The following ABCC2 variants were observed in gnomAD, a reference collection of about 807,000 sequenced individuals.
The protein encoded by ABCC2 is ATP-binding cassette sub-family C member 2.
A neutral mutation model predicts 173.4 loss-of-function variants in ABCC2; 157 were observed. The ratio of observed to expected loss-of-function variants is 0.91; its 90% CI spans 0.80 to 1.03. The LOEUF (loss-of-function observed/expected upper bound fraction) is 1.03. ABCC2 is among the 50% of genes least tolerant of loss of function. ABCC2 has a pLI of 0.00. For synonymous variants in ABCC2, 657 were observed against 693.5 expected (o/e 0.95, Z 0.83); for missense variants, 1,822 against 1,852.3 (o/e 0.98, Z 0.30).
rs17216156 is a variant in ABCC2 at position 99,782,822 on chromosome 10, G to A, written c.-23G>A. On this transcript the variant is annotated 5_prime_UTR_variant, in exon 1 of 32. Coordinates refer to ENST00000647814, the MANE Select transcript of ABCC2 (RefSeq NM_000392.5). ...CAATCATATTAATAGAAGAGTCTTC[G>A]TTCCAGACGCAGTCCAGGAATCATG... The A allele has an allele frequency of 3.6e-4, 578 of 1,613,500 alleles. 2 individuals are homozygous for A. In the East Asian group the frequency reaches 8.2e-3, roughly 23 times the overall value.
intron 9 of ABCC2, among the ~76,000 whole-genome samples, chr10:99,802,607 G>C (rs139039891): frequency 3.3e-5 from 5 of 151,656 alleles, no homozygotes; most frequent in East Asian, 1.9e-4. Flanking sequence ...TCTTTTTACT[G>C]TACAGCCAAG....
At chr10:99,836,010 C>A in intron 24 of ABCC2, 81 bp from the exon 25 acceptor site, 2 of 1,401,996 alleles carry the variant, frequency 1.4e-6, no homozygotes, top group Non-Finnish European at 1.0e-6. Flanking sequence ...GGGAAGAATG[C>A]TGGGTTGTGG....
At chr10:99,801,533 G>A (rs1424895364) in intron 9 of ABCC2, among the ~76,000 whole-genome samples, 1 of 152,186 alleles carries the variant, frequency 6.6e-6, no homozygotes, top group South Asian at 2.1e-4. Flanking sequence ...AACGCGCCTG[G>A]CCGATACATT....
chr10:99,812,430 C>T (rs1208011142), intron 15 of ABCC2, among the ~76,000 whole-genome samples: 1 of 152,222 alleles, frequency 6.6e-6, no homozygotes, highest in Non-Finnish European at 1.5e-5. Context: ...ACAGGGCTGG[C>T]ACACACAGTT....
intron 6 of ABCC2, among the ~76,000 whole-genome samples, chr10:99,795,015 G>C (rs1207797824): frequency 2.0e-5 from 3 of 152,166 alleles, no homozygotes; most frequent in Non-Finnish European, 4.4e-5. Context: ...TCCCACAGGA[G>C]AAAAGAAAGG....
chr10:99,813,306 A>G (rs1186061653), intron 16 of ABCC2, among the ~76,000 whole-genome samples, 162 bp downstream of exon 16: 1 of 152,222 alleles, frequency 6.6e-6, no homozygotes, highest in African/African-American at 2.4e-5. Flanking sequence ...AGCTTTATAT[A>G]ATCAGTTGCT....
In ABCC2 at chr10:99,794,111, T is replaced by C. The variant is rs888400592; in HGVS notation, c.576+112T>C. 1.1e-5 allele frequency: 11 copies of C among 996,918 alleles called. No homozygotes were observed. The African/African-American group carries it at 1.6e-4, about 15-fold the overall frequency. 61.8% of individuals were successfully genotyped at this position (996,918 alleles called of 1,614,324 possible). On this transcript the variant is annotated intron_variant, in intron 5 of 31. Coordinates refer to ENST00000647814, the MANE Select transcript of ABCC2 (RefSeq NM_000392.5). ...GAGGCGCCACAAGCCCAGAATAAGG[T>C]AGTACAGACCATTTTATGACAAGGA...
chr10:99,841,904 G>C (rs989470888), intron 25 of ABCC2, 63 bp from the exon 26 acceptor site: 2 of 1,612,954 alleles, frequency 1.2e-6, no homozygotes, highest in East Asian at 4.5e-5. Flanking sequence ...TGAACGCCAA[G>C]GTTGCTGGTT....
chr10:99,784,756 C>T lies in ABCC2; in HGVS notation c.182C>T (p.Thr61Ile). The T allele has an allele frequency of 6.2e-7, 1 of 1,614,132 alleles. No individual in the cohort carries two copies. Among genetic ancestry groups the T allele is most frequent in the Non-Finnish European group, 8.5e-7 (1 of 1,180,020 alleles). The change falls in exon 2 of 32, where the codon ACC (threonine) becomes ATC (isoleucine). Residue 61 changes from threonine to isoleucine, a missense_variant. By Grantham distance (89) the Thr-to-Ile change is moderately conservative. Coordinates refer to ENST00000647814, the MANE Select transcript of ABCC2 (RefSeq NM_000392.5). ...VYKSRTKRSS[T>I]TKLYLAKQVF... ...AAATCCAGGACCAAGAGATCCTCTA[C>T]CACCAAACTCTATCTTGCTAAGCAG...
chr10:99,807,326 A>G (rs984961530), intron 11 of ABCC2, 58 bp from the exon 12 acceptor site: 21 of 1,606,942 alleles, frequency 1.3e-5, no homozygotes, highest in Non-Finnish European at 1.7e-5. Flanking sequence ...TGGATCAGAT[A>G]CACCTGGTGC....
chr10:99,847,244 T>C, intron 30 of ABCC2, 117 bp downstream of exon 30: 1 of 1,190,534 alleles, frequency 8.4e-7, no homozygotes. Context: ...GTCTGATTCC[T>C]AAAGTGTAAA....
At chr10:99,807,271 GA>G in intron 11 of ABCC2, 112 bp from the exon 12 acceptor site, 1 of 1,365,390 alleles carries the variant, frequency 7.3e-7, no homozygotes, top group South Asian at 1.2e-5. Flanking sequence ...TTATAATCTG[GA>G]TTTCTATTCC....
At position 99,836,122 on chromosome 10, in the gene ABCC2, G is replaced by A; in HGVS notation, c.3446G>A (p.Arg1149Lys). The A allele has an allele frequency of 1.2e-6, 2 of 1,614,040 alleles. No individual in the cohort carries two copies. Among genetic ancestry groups the A allele is most frequent in the African/African-American group, 1.3e-5 (1 of 75,034 alleles). Reference protein sequence around the residue: ...MFYVSTSRQLRRLDSVTRSPI... With the variant: ...MFYVSTSRQLKRLDSVTRSPI... Reference sequence around the variant, plus strand: ...TATGTGTCTACCTCCCGCCAGCTGAGGCGTCTGGACTCTGTCACCAGGTCC... The same window carrying A: ...TATGTGTCTACCTCCCGCCAGCTGAAGCGTCTGGACTCTGTCACCAGGTCC... Residue 1149 changes from arginine (R) to lysine (K), a missense_variant, in exon 25 of 32, where the codon AGG (arginine) becomes AAG (lysine). By Grantham distance (26) the Arg-to-Lys change is conservative. Coordinates refer to ENST00000647814, the MANE Select transcript of ABCC2 (RefSeq NM_000392.5).
rs3740068 is a variant in ABCC2, at chr10:99,834,643, C to T, written c.3414+108C>T. 1.0e-3 allele frequency: 1,392 copies of T among 1,340,976 alleles called. 22 individuals carry two copies. In the East Asian group the frequency reaches 0.029, roughly 28 times the overall value. The allele number at this position is 1,340,976 out of a possible 1,614,324, so 83.1% of individuals were successfully genotyped here. A position where few individuals can be genotyped will look rare whatever the true frequency, so the allele number is the denominator to read the frequency against. ...ATTCATTGCTAGTCACTCACTCCTC[C>T]CCTCAGCAGCTTTGCCATTTAGTCA... On this transcript the variant is annotated intron_variant, in intron 24 of 31. Transcript: ENST00000647814.
chr10:99,816,776 G>T (rs1301567832), intron 16 of ABCC2, among the ~76,000 whole-genome samples: 1 of 152,106 alleles, frequency 6.6e-6, no homozygotes, highest in Non-Finnish European at 1.5e-5. Context: ...GATTCTCATA[G>T]GACCATGAAC....
chr10:99,807,484 G>A lies in ABCC2; in HGVS notation c.1631G>A (p.Cys544Tyr). Residue 544 changes from cysteine (C) to tyrosine (Y), a missense_variant, in exon 12 of 32, where the codon TGT (cysteine) becomes TAT (tyrosine). By Grantham distance (194) the Cys-to-Tyr change is radical. Coordinates refer to ENST00000647814, the MANE Select transcript of ABCC2 (RefSeq NM_000392.5). ...KNLLAFSQLQ[C>Y]VVIFVFQLTP... Reference sequence around the variant, plus strand: ...CTGCTGGCCTTTAGTCAACTACAGTGTGTAGTAATATTCGTCTTCCAGTTA... The same window carrying A: ...CTGCTGGCCTTTAGTCAACTACAGTATGTAGTAATATTCGTCTTCCAGTTA... 1 of 1,614,090 alleles carries A rather than the reference G, an allele frequency of 6.2e-7. No individual in the cohort carries two copies. The highest frequency in any genetic ancestry group is 8.5e-7 in the Non-Finnish European group (1 of 1,179,968).
At chr10:99,812,260 T>C (rs2038229324) in intron 15 of ABCC2, among the ~76,000 whole-genome samples, 1 of 152,220 alleles carries the variant, frequency 6.6e-6, no homozygotes, top group Non-Finnish European at 1.5e-5. Context: ...GAGCACATGC[T>C]CTGAACCTTC....
rs760480281 is a variant in ABCC2, at chr10:99,814,574, C to CAT, written c.2094+1433_2094+1434dup. ...ATGTGTATATACACATATACACACA[C>CAT]ATATGTGTATATACACATATACACA... On this transcript the variant is annotated intron_variant, in intron 16 of 31. Transcript: ENST00000647814. Among the ~76,000 whole-genome samples the CAT allele has an allele frequency of 1.9e-4, 18 of 96,950 alleles. 3 individuals are homozygous for CAT. Among genetic ancestry groups the CAT allele is most frequent in the African/African-American group, 7.0e-4 (17 of 24,160 alleles). The allele number at this position is 96,950 out of a possible 152,430, so 63.6% of individuals were successfully genotyped here. A position where few individuals can be genotyped will look rare whatever the true frequency, so the allele number is the denominator to read the frequency against.
chr10:99,814,754 TAC>T (rs534777652), intron 16 of ABCC2, among the ~76,000 whole-genome samples: 148 of 139,384 alleles, frequency 1.1e-3, no homozygotes, highest in South Asian at 3.3e-3. Context: ...TGTATGTATA[TAC>T]ACACACATAT....
Sources: allele counts gnomAD v4.1 joint callset (sites outside exome capture counted in the v4.1 genomes callset), GRCh38; gene constraint gnomAD v4.1.1; transcripts MANE v1.5; gene names NCBI Gene and HGNC (gene_info 2026-07-23, HGNC 2026-07-21).